NECAB1: variants seen among roughly 807,000 people sequenced by gnomAD.
NECAB1 encodes the protein N-terminal EF-hand calcium-binding protein 1.
A neutral mutation model predicts 57.5 loss-of-function variants in NECAB1; 29 were observed. The ratio of observed to expected loss-of-function variants is 0.50; its 90% CI spans 0.38 to 0.69. The LOEUF is 0.69. NECAB1 is among the 30% of genes least tolerant of loss of function. NECAB1 has a pLI of 0.00. For synonymous variants in NECAB1, 142 were observed against 147.7 expected (o/e 0.96, Z 0.28); for missense variants, 372 against 413.8 (o/e 0.90, Z 0.88).
intron 9 of NECAB1, 163 bp from the exon 10 acceptor site, chr8:90,940,623 C>G: frequency 1.7e-6 from 1 of 591,722 alleles, no homozygotes; most frequent in Non-Finnish European, 3.0e-6. Flanking sequence ...TAGATTACAG[C>G]CTTTATACAG....
At chr8:90,872,184 AT>A in intron 4 of NECAB1, 31 bp downstream of exon 4, 1 of 1,512,456 alleles carries the variant, frequency 6.6e-7, no homozygotes, top group Non-Finnish European at 9.0e-7. Flanking sequence ...AGTCAAACCT[AT>A]TACTTGCTTA....
At chr8:90,952,036 G>A (rs1291688382) in intron 12 of NECAB1, among the ~76,000 whole-genome samples, 4 of 152,230 alleles carry the variant, frequency 2.6e-5, no homozygotes, top group African/African-American at 9.6e-5. Flanking sequence ...GGAGACAGAC[G>A]AGAGAGTAAG....
intron 5 of NECAB1, among the ~76,000 whole-genome samples, chr8:90,881,423 C>A (rs560012039): frequency 1.3e-5 from 2 of 152,280 alleles, no homozygotes; most frequent in East Asian, 3.9e-4. Context: ...TGTCCCTCCC[C>A]AAATCCCATG....
At chr8:90,829,712 A>C (rs1222254744) in intron 3 of NECAB1, among the ~76,000 whole-genome samples, 1 of 152,102 alleles carries the variant, frequency 6.6e-6, no homozygotes, top group African/African-American at 2.4e-5. Flanking sequence ...AGCACACCAG[A>C]GTGACAAAAA....
intron 3 of NECAB1, among the ~76,000 whole-genome samples, chr8:90,862,972 A>G (rs1395690138): frequency 6.6e-6 from 1 of 152,080 alleles, no homozygotes; most frequent in Non-Finnish European, 1.5e-5. Context: ...AACTTTATAT[A>G]TTGCTTAATT....
intron 10 of NECAB1, among the ~76,000 whole-genome samples, chr8:90,943,944 G>A (rs1810737245): frequency 6.6e-6 from 1 of 152,064 alleles, no homozygotes; most frequent in Non-Finnish European, 1.5e-5. Context: ...TACAGACGGG[G>A]TTATGCCATG....
chr8:90,810,562 T>A (rs955899169), intron 2 of NECAB1, among the ~76,000 whole-genome samples: 1 of 152,134 alleles, frequency 6.6e-6, no homozygotes, highest in Admixed American at 6.5e-5. Flanking sequence ...GCCAAGTAAA[T>A]ATAGTTAAAG....
intron 3 of NECAB1, among the ~76,000 whole-genome samples, chr8:90,860,798 A>G (rs186289411): frequency 1.3e-5 from 2 of 152,290 alleles, no homozygotes; most frequent in East Asian, 3.9e-4. Flanking sequence ...AAGGAACCCA[A>G]TATGATGATA....
At chr8:90,899,025 C>T (rs566136066) in intron 5 of NECAB1, among the ~76,000 whole-genome samples, 17 of 152,302 alleles carry the variant, frequency 1.1e-4, no homozygotes, top group African/African-American at 3.6e-4. Context: ...CTTCAGGCTG[C>T]CCTGCAGGTC....
chr8:90,856,744 C>A (rs1812802224), intron 3 of NECAB1, among the ~76,000 whole-genome samples: 3 of 152,162 alleles, frequency 2.0e-5, no homozygotes, highest in Non-Finnish European at 2.9e-5. Context: ...TGCCAGTATC[C>A]TTACCTCTAG....
chr8:90,869,146 G>A (rs568400489), intron 3 of NECAB1, among the ~76,000 whole-genome samples: 1 of 152,236 alleles, frequency 6.6e-6, no homozygotes, highest in Non-Finnish European at 1.5e-5. Context: ...GTGTGCAGAA[G>A]GCAAGAGCTG....
intron 5 of NECAB1, among the ~76,000 whole-genome samples, chr8:90,916,719 A>G (rs191677291): frequency 3.3e-4 from 50 of 152,242 alleles, no homozygotes; most frequent in African/African-American, 9.1e-4. Context: ...CTGAGACTTT[A>G]GGGAGACAAG....
intron 5 of NECAB1, among the ~76,000 whole-genome samples, chr8:90,899,101 C>G (rs1172655013): frequency 6.6e-6 from 1 of 152,208 alleles, no homozygotes; most frequent in Non-Finnish European, 1.5e-5. Context: ...AAAGTTTTGG[C>G]TATGCCAGTG....
chr8:90,821,121 C>T (rs866325688), intron 2 of NECAB1, among the ~76,000 whole-genome samples: 2 of 151,810 alleles, frequency 1.3e-5, no homozygotes, highest in Non-Finnish European at 1.5e-5. Context: ...ACACCTCAAG[C>T]CCCCATCGCC....
chr8:90,951,067 A>C (rs745391499), intron 11 of NECAB1, 46 bp from the exon 12 acceptor site: 1 of 1,195,114 alleles, frequency 8.4e-7, no homozygotes, highest in Non-Finnish European at 1.2e-6. Flanking sequence ...ACTTGGGAAG[A>C]TTGTAAATAA....
Position 90,957,776 on chromosome 8 carries a change from C to T in NECAB1, c.*2264C>T, listed in dbSNP as rs547199260. The stretch of plus-strand genomic sequence containing the variant: ...AAGTAAACAATAAGTTTATAGTTAA[C>T]GAAGATTTTTTTCTATTTAAAACCC... On this transcript the variant is annotated 3_prime_UTR_variant, in exon 13 of 13. Coordinates refer to ENST00000417640, the MANE Select transcript of NECAB1 (RefSeq NM_022351.5). 1.8e-4 allele frequency: 26 copies of T among 147,280 alleles called. No homozygotes were observed. The highest frequency in any genetic ancestry group is 1.2e-3 in the East Asian group (6 of 5,070). The allele number at this position is 147,280 out of a possible 1,614,324, so 9.1% of individuals were successfully genotyped here.
At chr8:90,921,426 T>C (rs1261920083) in intron 6 of NECAB1, among the ~76,000 whole-genome samples, 1 of 151,574 alleles carries the variant, frequency 6.6e-6, no homozygotes, top group Non-Finnish European at 1.5e-5. Context: ...TCCTGCACTT[T>C]GGGAGGCCAA....
Position 90,959,188 on chromosome 8 carries a change from A to G in NECAB1, c.*3676A>G. The G allele has an allele frequency of 2.4e-6, 1 of 410,400 alleles. No individual in the cohort carries two copies. Among genetic ancestry groups the G allele is most frequent in the Non-Finnish European group, 4.3e-6 (1 of 232,052 alleles). The allele number at this position is 410,400 out of a possible 1,614,324, so 25.4% of individuals were successfully genotyped here. A position where few individuals can be genotyped will look rare whatever the true frequency, so the allele number is the denominator to read the frequency against. On this transcript the variant is annotated 3_prime_UTR_variant, in exon 13 of 13. Coordinates refer to ENST00000417640, the MANE Select transcript of NECAB1 (RefSeq NM_022351.5). ...AAGTAACTAGAACTGTCAAATAACA[A>G]AACGGCTCATGTTTTTAAAATATAT...
At chr8:90,840,748 T>C (rs570934891) in intron 3 of NECAB1, among the ~76,000 whole-genome samples, 31 of 152,246 alleles carry the variant, frequency 2.0e-4, no homozygotes, top group Non-Finnish European at 4.1e-4. Context: ...CGCACAGTCA[T>C]TGCTCATTGC....
Sources: gnomAD v4.1 joint callset for allele counts (sites outside exome capture counted in the v4.1 genomes callset) on GRCh38, gnomAD v4.1.1 for gene constraint, MANE v1.5 for transcripts, NCBI Gene and HGNC (gene_info 2026-07-23, HGNC 2026-07-21) for gene names.